Variants in VANGL2 observed in about 807,000 individuals in gnomAD.
VANGL2 encodes the protein VANGL planar cell polarity protein 2, also known as vang-like protein 2.
A neutral mutation model predicts 50.2 loss-of-function variants in VANGL2; 14 were observed. The observed-to-expected ratio is 0.28, with a 90% CI of 0.18 to 0.44. The LOEUF (loss-of-function observed/expected upper bound fraction) is 0.44. Among genes scored for constraint, VANGL2 ranks in the 20% least tolerant of loss-of-function variants. The pLI is 1.00. For synonymous variants in VANGL2, 295 were observed against 297.2 expected, an observed-to-expected ratio of 0.99 and a Z score of 0.08; for missense variants, 533 against 701.5, an observed-to-expected ratio of 0.76 and a Z score of 2.71.
chr1:160,422,361 C>A lies in VANGL2; in HGVS notation c.1073+1174C>A, dbSNP rs114938344. On this transcript the variant is annotated intron_variant, in intron 6 of 7. Coordinates refer to ENST00000368061, the MANE Select transcript of VANGL2 (RefSeq NM_020335.3). ...TGTACTGCCACCACCATTTTTGGCA[C>A]ATAGAGGACTCTTTCCTTTCCCCAT... is the stretch of plus-strand genomic sequence containing the variant. 3.8e-3 allele frequency among the ~76,000 whole-genome samples: 572 copies of A among 152,344 alleles called. 3 individuals carry two copies. Among genetic ancestry groups the A allele is most frequent in the Middle Eastern group, 6.8e-3 (2 of 294 alleles).
In VANGL2 at chr1:160,424,161, T is replaced by C. The variant is rs1321926098; in HGVS notation, c.1183T>C (p.Phe395Leu). 1.2e-6 allele frequency: 2 copies of C among 1,614,164 alleles called. No individual in the cohort carries two copies. The highest frequency in any genetic ancestry group is 1.1e-5 in the South Asian group (1 of 91,076). The change falls in exon 7 of 8, where the codon TTT (phenylalanine) becomes CTT (leucine). Residue 395 changes from phenylalanine to leucine, a missense_variant. Phe to Leu is a conservative substitution (Grantham distance 22). Coordinates refer to ENST00000368061, the MANE Select transcript of VANGL2 (RefSeq NM_020335.3). ...MDPREAAQAI[F>L]ASMARAMQKY... ...CCCCCGGGAGGCAGCCCAAGCCATC[T>C]TTGCATCCATGGCCCGTGCCATGCA...
At position 160,428,219 on chromosome 1, in the gene VANGL2, C is replaced by T. The variant is rs146127128; in HGVS notation, c.*2841C>T. 1.1e-4 allele frequency: 17 copies of T among 152,794 alleles called. No individual in the cohort carries two copies. Among genetic ancestry groups the T allele is most frequent in the African/African-American group, 2.6e-4 (11 of 41,530 alleles). 9.5% of individuals were successfully genotyped at this position (152,794 alleles called of 1,614,324 possible). Reference sequence around the variant, plus strand: ...TCTGACACGTCTTTTTCCCAGGGTTCGTACTTCTCCTCCATTGGTCCCAGG... The same window carrying T: ...TCTGACACGTCTTTTTCCCAGGGTTTGTACTTCTCCTCCATTGGTCCCAGG... On this transcript the variant is annotated 3_prime_UTR_variant, in exon 8 of 8. Coordinates refer to ENST00000368061, the MANE Select transcript of VANGL2 (RefSeq NM_020335.3).
intron 6 of VANGL2, 35 bp from the exon 7 acceptor site, chr1:160,424,017 G>T (rs775949112): frequency 1.2e-6 from 2 of 1,610,744 alleles, no homozygotes; most frequent in Non-Finnish European, 1.7e-6. Context: ...GGAAAGAGAG[G>T]TGGGCATCTG....
At chr1:160,423,032 A>G (rs775524137) in intron 6 of VANGL2, among the ~76,000 whole-genome samples, 1 of 151,512 alleles carries the variant, frequency 6.6e-6, no homozygotes, top group Non-Finnish European at 1.5e-5. Flanking sequence ...CAGCCTCCCC[A>G]GTAGCTGGGA....
At chr1:160,411,218 G>A (rs1184591606) in intron 1 of VANGL2, among the ~76,000 whole-genome samples, 1 of 152,022 alleles carries the variant, frequency 6.6e-6, no homozygotes, top group Non-Finnish European at 1.5e-5. Context: ...GAGTGTGTGT[G>A]TTTGTGTCTT....
At chr1:160,418,305 G>A (rs866455615) in intron 3 of VANGL2, among the ~76,000 whole-genome samples, 61 of 152,160 alleles carry the variant, frequency 4.0e-4, no homozygotes, top group Middle Eastern at 3.4e-3. Context: ...CATGCGGTGG[G>A]CCTGAGGTTC....
intron 1 of VANGL2, among the ~76,000 whole-genome samples, chr1:160,408,042 A>G (rs1340227996): frequency 6.6e-6 from 1 of 152,082 alleles, no homozygotes; most frequent in Non-Finnish European, 1.5e-5. Flanking sequence ...TGTTCTCTTC[A>G]AGACGGACTA....
In VANGL2 at chr1:160,426,991, C is replaced by T. The variant is rs969390468; in HGVS notation, c.*1613C>T. The T allele has an allele frequency of 1.3e-5, 2 of 152,648 alleles. No individual in the cohort carries two copies. Among genetic ancestry groups the T allele is most frequent in the African/African-American group, 4.8e-5 (2 of 41,458 alleles). 9.5% of individuals were successfully genotyped at this position (152,648 alleles called of 1,614,324 possible). ...ATGGAGCCTAGTGATCGGGGTTTCT[C>T]CTGCTGTCCTTTCTGCAAAAGTTCA... On this transcript the variant is annotated 3_prime_UTR_variant, in exon 8 of 8. Transcript: ENST00000368061.
intron 1 of VANGL2, among the ~76,000 whole-genome samples, chr1:160,405,476 G>A (rs1311829585): frequency 5.9e-5 from 9 of 152,140 alleles, no homozygotes; most frequent in Admixed American, 5.9e-4. Flanking sequence ...CTTTATGGTG[G>A]GGCCCTTTGG....
In VANGL2 at chr1:160,419,678, G is replaced by T; in HGVS notation, c.800+69G>T. ...GGGAGGATGTGGAGTGACTGCTAGGGTGGGAGGGTATGATGGTGGGCTGGA... is the reference window on the plus strand; with the variant it reads ...GGGAGGATGTGGAGTGACTGCTAGGTTGGGAGGGTATGATGGTGGGCTGGA... On this transcript the variant is annotated intron_variant, in intron 4 of 7. Coordinates refer to ENST00000368061, the MANE Select transcript of VANGL2 (RefSeq NM_020335.3). The surrounding 1 kb of genome is among the most constrained non-coding windows in gnomAD (Gnocchi z 5.8). 1.3e-6 allele frequency: 2 copies of T among 1,568,460 alleles called. No individual in the cohort carries two copies. The highest frequency in any genetic ancestry group is 1.7e-6 in the Non-Finnish European group (2 of 1,165,978).
intron 3 of VANGL2, among the ~76,000 whole-genome samples, chr1:160,417,098 C>A (rs1557909502): frequency 6.6e-6 from 1 of 152,168 alleles, no homozygotes; most frequent in Non-Finnish European, 1.5e-5. Context: ...AGATCCCAAG[C>A]CCTTGGTCCT....
intron 6 of VANGL2, among the ~76,000 whole-genome samples, chr1:160,422,217 A>T (rs553918759): frequency 1.3e-5 from 2 of 152,106 alleles, no homozygotes; most frequent in Non-Finnish European, 2.9e-5. Context: ...CACCAACTCC[A>T]TTTCTGTGGC....
chr1:160,410,675 TAC>T (rs111892045), intron 1 of VANGL2, among the ~76,000 whole-genome samples: 9,429 of 143,030 alleles, frequency 0.066, 799 homozygotes, highest in African/African-American at 0.19. Context: ...ACCCCCCTTA[TAC>T]ACACACACAC....
intron 1 of VANGL2, among the ~76,000 whole-genome samples, chr1:160,409,439 GA>G (rs750125272): frequency 1.3e-4 from 20 of 152,106 alleles, no homozygotes; most frequent in Admixed American, 3.3e-4. Context: ...GTGTCCTCCT[GA>G]AGGGAAAAGG....
At chr1:160,424,866 T>C (rs926054797) in intron 7 of VANGL2, among the ~76,000 whole-genome samples, 14 of 151,736 alleles carry the variant, frequency 9.2e-5, no homozygotes. Context: ...CAGATGGGGG[T>C]CAGGGGAGCC....
intron 1 of VANGL2, among the ~76,000 whole-genome samples, chr1:160,406,728 G>A (rs930926306): frequency 1.3e-5 from 2 of 149,150 alleles, no homozygotes; most frequent in Non-Finnish European, 3.0e-5. Context: ...TCTAGGGAGG[G>A]GGTTCTGGTT....
At chr1:160,404,529 G>A (rs990848299) in intron 1 of VANGL2, among the ~76,000 whole-genome samples, 1 of 152,066 alleles carries the variant, frequency 6.6e-6, no homozygotes, top group Non-Finnish European at 1.5e-5. Flanking sequence ...GCACCATCCC[G>A]AAACAAAACC....
In VANGL2 at chr1:160,416,081, C is replaced by T. The variant is rs141773637; in HGVS notation, c.91C>T (p.Arg31Cys). 480 of 1,614,244 alleles carry T rather than the reference C, an allele frequency of 3.0e-4. 6 individuals carry two copies. The Middle Eastern group carries it at 0.014, about 48-fold the overall frequency. ...CCGCAGGGACCGCCGGGACCGACAC[C>T]GCTCTAAGAGTCGAGATGGGGGCCG... ...RKHRDRRDRH[R>C]SKSRDGGRGD... is the part of the protein sequence containing the mutation. The change falls in exon 3 of 8, where the codon CGC (arginine) becomes TGC (cysteine). Residue 31 changes from arginine to cysteine, a missense_variant. Coordinates refer to ENST00000368061, the MANE Select transcript of VANGL2 (RefSeq NM_020335.3).
Position 160,425,415 on chromosome 1 carries a change from G to T in VANGL2, c.*37G>T, listed in dbSNP as rs768934321. On this transcript the variant is annotated 3_prime_UTR_variant, in exon 8 of 8. Transcript: ENST00000368061. ...CAGGGGGAGTGGGAAACTCTGGGGGGTCCTGAGGGGGTGGGAGGGGGCTTG... is the reference window on the plus strand; with the variant it reads ...CAGGGGGAGTGGGAAACTCTGGGGGTTCCTGAGGGGGTGGGAGGGGGCTTG... 13 of 965,448 alleles carry T rather than the reference G, an allele frequency of 1.3e-5. No homozygotes were observed. The East Asian group carries it at 2.7e-4, about 20-fold the overall frequency. The allele number at this position is 965,448 out of a possible 1,614,324, so 59.8% of individuals were successfully genotyped here. A position where few individuals can be genotyped will look rare whatever the true frequency, so the allele number is the denominator to read the frequency against.
Sources: allele counts gnomAD v4.1 joint callset (sites outside exome capture counted in the v4.1 genomes callset), GRCh38; gene constraint gnomAD v4.1.1; non-coding constraint Gnocchi (gnomAD v3.1); transcripts MANE v1.5; gene names NCBI Gene and HGNC (gene_info 2026-07-23, HGNC 2026-07-21).